The following RORA variants were observed in gnomAD, a reference collection of about 807,000 sequenced individuals.
The protein encoded by RORA is nuclear receptor ROR-alpha.
RORA carries 7 observed loss-of-function variants against 69.5 expected under a neutral mutation model. The observed-to-expected ratio is 0.10, with a 90% confidence interval of 0.06 to 0.19. The LOEUF (loss-of-function observed/expected upper bound fraction) is 0.19. RORA is among the 10% of genes least tolerant of loss of function. The pLI is 1.00. For missense variants in RORA, 457 were observed against 663.0 expected, an observed-to-expected ratio of 0.69 and a Z score of 3.41; for synonymous variants, 261 against 240.8, an observed-to-expected ratio of 1.08 and a Z score of -0.78.
chr15:60,770,657 G>A (rs973760043), intron 1 of RORA, among the ~76,000 whole-genome samples: 12 of 152,170 alleles, frequency 7.9e-5, no homozygotes, highest in South Asian at 4.2e-4. Context: ...TGTTGCCCAG[G>A]CTGGAGCTCA....
At chr15:60,498,853 A>T (rs1302673985) in intron 10 of RORA, among the ~76,000 whole-genome samples, 1 of 146,672 alleles carries the variant, frequency 6.8e-6, no homozygotes, top group East Asian at 1.9e-4. Flanking sequence ...ACATAGCTAT[A>T]AAGGAGAAAA....
At chr15:61,025,763 G>T (rs995286163) in intron 1 of RORA, among the ~76,000 whole-genome samples, 1 of 152,142 alleles carries the variant, frequency 6.6e-6, no homozygotes, top group Admixed American at 6.5e-5. Context: ...GAAGAAAAAA[G>T]TTTGGAAGGA....
intron 3 of RORA, among the ~76,000 whole-genome samples, chr15:60,519,079 C>T (rs369243352): frequency 6.6e-4 from 101 of 152,082 alleles, no homozygotes; most frequent in African/African-American, 2.2e-3. Flanking sequence ...ATAAGTTCAA[C>T]TTTATCACAG....
intron 1 of RORA, among the ~76,000 whole-genome samples, chr15:60,786,659 G>A (rs900735262): frequency 5.3e-5 from 8 of 152,244 alleles, no homozygotes; most frequent in Non-Finnish European, 1.0e-4. Flanking sequence ...AGACCCAGGG[G>A]AAAGGAGCAA....
intron 1 of RORA, among the ~76,000 whole-genome samples, chr15:60,778,482 G>A (rs2072206767): frequency 6.6e-6 from 1 of 152,134 alleles, no homozygotes; most frequent in East Asian, 1.9e-4. Flanking sequence ...ACAACTGGCT[G>A]TATTTGATTG....
intron 1 of RORA, among the ~76,000 whole-genome samples, chr15:60,998,182 G>C (rs4774380): frequency 0.85 from 128,932 of 152,108 alleles, 54,720 homozygotes; most frequent in Admixed American, 0.88. Context: ...CTTTTTTTCT[G>C]AGACAGGTTC....
intron 2 of RORA, among the ~76,000 whole-genome samples, chr15:60,597,968 G>A (rs1248098952): frequency 6.6e-6 from 1 of 151,904 alleles, no homozygotes; most frequent in Non-Finnish European, 1.5e-5. Context: ...TGGTATGGTG[G>A]AATGGGCTTT....
intron 1 of RORA, among the ~76,000 whole-genome samples, chr15:60,897,405 C>A (rs1451406349): frequency 6.6e-6 from 1 of 152,182 alleles, no homozygotes; most frequent in African/African-American, 2.4e-5. Context: ...ATAAGTTAAA[C>A]AGTTGCCTCA....
chr15:60,677,580 CT>C (rs71122869), intron 2 of RORA, among the ~76,000 whole-genome samples: 289 of 139,386 alleles, frequency 2.1e-3, no homozygotes, highest in East Asian at 3.4e-3. Flanking sequence ...TTGGTTTTTT[CT>C]TTTTTTTTTT....
At chr15:61,151,840 C>T (rs747230797) in intron 1 of RORA, among the ~76,000 whole-genome samples, 11 of 152,246 alleles carry the variant, frequency 7.2e-5, no homozygotes, top group South Asian at 6.2e-4. Context: ...CAAGGCAAAG[C>T]CAATGGAAAA....
chr15:61,006,799 T>A (rs2140387657), intron 1 of RORA, among the ~76,000 whole-genome samples: 1 of 152,284 alleles, frequency 6.6e-6, no homozygotes, highest in Admixed American at 6.5e-5. Context: ...TCTCGTAAGT[T>A]CTAACTCCCT....
intron 2 of RORA, among the ~76,000 whole-genome samples, chr15:60,611,589 A>AAAAAAAAAAAAAAAAT: frequency 6.8e-6 from 1 of 146,392 alleles, no homozygotes; most frequent in Non-Finnish European, 1.5e-5. Flanking sequence ...AAAAAAAAAA[A>AAAAAAAAAAAAAAAAT]GGTGGAGTCT....
chr15:60,884,153 T>C (rs1172578905), intron 1 of RORA, among the ~76,000 whole-genome samples: 1 of 151,794 alleles, frequency 6.6e-6, no homozygotes, highest in East Asian at 1.9e-4. Flanking sequence ...AAAAGAGCTA[T>C]GCTGTGGTGC....
At chr15:60,723,978 G>T (rs145304512) in intron 1 of RORA, among the ~76,000 whole-genome samples, 1 of 152,300 alleles carries the variant, frequency 6.6e-6, no homozygotes, top group African/African-American at 2.4e-5. Flanking sequence ...AGTGCTTGAG[G>T]TAAAGATGTT....
intron 1 of RORA, among the ~76,000 whole-genome samples, chr15:61,114,861 C>A (rs911783825): frequency 6.6e-5 from 10 of 152,178 alleles, no homozygotes; most frequent in Non-Finnish European, 1.3e-4. Context: ...TGGCTCTTGG[C>A]CCAGACGGTA....
chr15:61,002,975 C>CAAAAA (rs59966691), intron 1 of RORA, among the ~76,000 whole-genome samples: 9 of 116,980 alleles, frequency 7.7e-5, no homozygotes, highest in African/African-American at 2.9e-4. Context: ...ACTAAAAATA[C>CAAAAA]AAAAAAAAAA....
chr15:61,066,277 T>G (rs1443869565), intron 1 of RORA, among the ~76,000 whole-genome samples: 1 of 152,164 alleles, frequency 6.6e-6, no homozygotes, highest in African/African-American at 2.4e-5. Context: ...TTAGCCGTAA[T>G]AACACTTCAG....
At chr15:60,911,095 TTTTTTTTTTTTGTA>T (rs1891701173) in intron 1 of RORA, among the ~76,000 whole-genome samples, 1 of 92,262 alleles carries the variant, frequency 1.1e-5, no homozygotes, top group African/African-American at 3.4e-5. Flanking sequence ...TTTTTTTTTT[TTTTTTTTTTTTGTA>T]TTTTTAGTAG....
chr15:61,189,196 C>T (rs1275176875), intron 1 of RORA, among the ~76,000 whole-genome samples: 2 of 152,112 alleles, frequency 1.3e-5, no homozygotes, highest in Non-Finnish European at 2.9e-5. Context: ...CCTTAAATGT[C>T]CCTTGAATAA....
Sources: gnomAD v4.1 joint callset for allele counts (sites outside exome capture counted in the v4.1 genomes callset) on GRCh38, gnomAD v4.1.1 for gene constraint, MANE v1.5 for transcripts, NCBI Gene and HGNC (gene_info 2026-07-23, HGNC 2026-07-21) for gene names.